The following UBXN2B variants were observed in gnomAD, a reference collection of about 807,000 sequenced individuals.
UBXN2B encodes UBX domain-containing protein 2B.
In UBXN2B, 19 loss-of-function variants were observed where a neutral mutation model predicts 37.5. The ratio of observed to expected loss-of-function variants is 0.51; its 90% CI spans 0.35 to 0.74. UBXN2B has a LOEUF of 0.74. Among genes scored for constraint, UBXN2B ranks in the 30% least tolerant of loss-of-function variants. The probability of loss-of-function intolerance (pLI) is 0.01; values close to 1 mark genes in which losing one functional copy is unlikely to be tolerated. For synonymous variants in UBXN2B, 145 were observed against 143.8 expected (o/e 1.01, Z -0.06); for missense variants, 370 against 393.2 (o/e 0.94, Z 0.50).
chr8:58,426,096 TCTC>T, intron 2 of UBXN2B: 1 of 1,385,358 alleles, frequency 7.2e-7, no homozygotes, highest in Non-Finnish European at 1.0e-6. Context: ...TCTCCATTCT[TCTC>T]TTTTAATTGC....
At chr8:58,436,473 T>A (rs926480370) in intron 5 of UBXN2B, among the ~76,000 whole-genome samples, 12 of 152,246 alleles carry the variant, frequency 7.9e-5, no homozygotes, top group Non-Finnish European at 1.6e-4. Flanking sequence ...GCAGTGCATC[T>A]GACATCCCCT....
At position 58,431,189 on chromosome 8, in the gene UBXN2B, A is replaced by ACAT. The variant is rs533185143; in HGVS notation, c.339+520_339+521insCAT. Among the ~76,000 whole-genome samples, 231 of 152,310 alleles carry ACAT rather than the reference A, an allele frequency of 1.5e-3. 1 individual carries two copies. The highest frequency in any genetic ancestry group is 5.4e-3 in the African/African-American group (226 of 41,576). ...TCATCTCTATAATTTTATCATGTTAAGAGTGTTAAACCAGCCGGGTGTGGT... is the reference window on the plus strand; with the variant it reads ...TCATCTCTATAATTTTATCATGTTAACATGAGTGTTAAACCAGCCGGGTGTGGT... On this transcript the variant is annotated intron_variant, in intron 3 of 7. Coordinates refer to ENST00000399598, the MANE Select transcript of UBXN2B (RefSeq NM_001077619.2).
intron 2 of UBXN2B, among the ~76,000 whole-genome samples, chr8:58,421,262 T>A (rs1807916059): frequency 6.6e-6 from 1 of 151,996 alleles, no homozygotes; most frequent in African/African-American, 2.4e-5. Flanking sequence ...TTTAGCCACA[T>A]TTCAAAAGAC....
In UBXN2B at chr8:58,434,462, A is replaced by G. The variant is rs750614756; in HGVS notation, c.491A>G (p.Asn164Ser). The G allele has an allele frequency of 2.6e-5, 41 of 1,564,096 alleles. No individual in the cohort carries two copies. Among genetic ancestry groups the G allele is most frequent in the Middle Eastern group, 1.7e-4 (1 of 5,724 alleles). ...SLDDGELRPY[N>S]EPTNAQFLES... ...GATGATGGAGAATTGAGACCTTACA[A>G]TGAACCAACAAATGCTCAATTTCTG... is the stretch of plus-strand genomic sequence containing the variant. The change falls in exon 5 of 8, where the codon AAT becomes AGT. Residue 164 changes from asparagine (N) to serine (S), a missense_variant. Physicochemically the swap from Asn to Ser is conservative, Grantham distance 46. Coordinates refer to ENST00000399598, the MANE Select transcript of UBXN2B (RefSeq NM_001077619.2).
At position 58,434,510 on chromosome 8, in the gene UBXN2B, A is replaced by G; in HGVS notation, c.533+6A>G. 6.6e-7 allele frequency: 1 copy of G among 1,524,038 alleles called. No individual in the cohort carries two copies. Among genetic ancestry groups the G allele is most frequent in the South Asian group, 1.3e-5 (1 of 77,224 alleles). 94.4% of individuals were successfully genotyped at this position (1,524,038 alleles called of 1,614,324 possible). A position where few individuals can be genotyped will look rare whatever the true frequency, so the allele number is the denominator to read the frequency against. ...CTGGAGTCTGTTAAGAGAGGGTAAG[A>G]TGTATTATTTGTATTCTATTTGTTA... On this transcript the variant is annotated splice_donor_region_variant and intron_variant, in intron 5 of 7. Transcript: ENST00000399598.
At chr8:58,432,375 C>CTTTTTTTTTTTTTT (rs34018318) in intron 3 of UBXN2B, among the ~76,000 whole-genome samples, 15 of 81,508 alleles carry the variant, frequency 1.8e-4, no homozygotes, top group Non-Finnish European at 2.1e-4. Context: ...TTCTAAATTT[C>CTTTTTTTTTTTTTT]TTTTTTTTTT....
chr8:58,412,823 T>G (rs769255732), intron 1 of UBXN2B, among the ~76,000 whole-genome samples: 4 of 152,188 alleles, frequency 2.6e-5, no homozygotes, highest in African/African-American at 9.7e-5. Flanking sequence ...GATTAAATAA[T>G]GTTATAAAGG....
chr8:58,426,723 C>G, intron 2 of UBXN2B: 1 of 663,764 alleles, frequency 1.5e-6, no homozygotes, highest in Non-Finnish European at 2.8e-6. Flanking sequence ...AGACCCGTTC[C>G]TTGCTCAGGC....
In UBXN2B at chr8:58,448,764, C is replaced by A. The variant is rs191548287; in HGVS notation, c.*1213C>A. On this transcript the variant is annotated 3_prime_UTR_variant, in exon 8 of 8. Coordinates refer to ENST00000399598, the MANE Select transcript of UBXN2B (RefSeq NM_001077619.2). ...ATTTCTGCTGAAGCCAGAAGCTTTTCCTTCTTCCTAGACACCATTTCATCC... is the reference window on the plus strand; with the variant it reads ...ATTTCTGCTGAAGCCAGAAGCTTTTACTTCTTCCTAGACACCATTTCATCC... 94 of 152,584 alleles carry A rather than the reference C, an allele frequency of 6.2e-4. 1 individual carries two copies. The highest frequency in any genetic ancestry group is 2.2e-3 in the African/African-American group (93 of 41,510). 9.5% of individuals were successfully genotyped at this position (152,584 alleles called of 1,614,324 possible).
Position 58,448,049 on chromosome 8 carries a change from T to C in UBXN2B, c.*498T>C, listed in dbSNP as rs1808719702. 1 of 152,296 alleles carries C rather than the reference T, an allele frequency of 6.6e-6. No individual in the cohort carries two copies. Among genetic ancestry groups the C allele is most frequent in the Non-Finnish European group, 1.5e-5 (1 of 68,106 alleles). The allele number at this position is 152,296 out of a possible 1,614,324, so 9.4% of individuals were successfully genotyped here. On this transcript the variant is annotated 3_prime_UTR_variant, in exon 8 of 8. Coordinates refer to ENST00000399598, the MANE Select transcript of UBXN2B (RefSeq NM_001077619.2). ...ATAATTATTTCTCCTATTAAGATTT[T>C]ACACATCCTTTTTACTTACTGATTT...
chr8:58,424,903 A>C, intron 2 of UBXN2B: 1 of 953,908 alleles, frequency 1.0e-6, no homozygotes, highest in Non-Finnish European at 1.7e-6. Context: ...AGTTTTGAGA[A>C]CGTCAATGTT....
At position 58,424,996 on chromosome 8, in the gene UBXN2B, C is replaced by T. The variant is rs1179179165; in HGVS notation, c.189-5523C>T. 6.4e-6 allele frequency: 5 copies of T among 787,180 alleles called. No homozygotes were observed. The East Asian group carries it at 1.2e-4, about 19-fold the overall frequency. 48.8% of individuals were successfully genotyped at this position (787,180 alleles called of 1,614,324 possible). A position where few individuals can be genotyped will look rare whatever the true frequency, so the allele number is the denominator to read the frequency against. ...CCCTGTCCGGCCAATTCCAGCACTG[C>T]CGTGCACCACGACTGGCCTTGCATG... is the stretch of plus-strand genomic sequence containing the variant. On this transcript the variant is annotated intron_variant, in intron 2 of 7. Transcript: ENST00000399598.
At position 58,423,443 on chromosome 8, in the gene UBXN2B, T is replaced by TG. The variant is rs200218974; in HGVS notation, c.188+6490_188+6491insG. Reference sequence around the variant, plus strand: ...GGGTGGGTTTTTTTTTTGTTGTTGTTTTTTTTTTTTGACACGGAGTCTTGC... The same window carrying TG: ...GGGTGGGTTTTTTTTTTGTTGTTGTTGTTTTTTTTTTGACACGGAGTCTTGC... On this transcript the variant is annotated intron_variant, in intron 2 of 7. Coordinates refer to ENST00000399598, the MANE Select transcript of UBXN2B (RefSeq NM_001077619.2). 3.2e-3 allele frequency among the ~76,000 whole-genome samples: 475 copies of TG among 149,212 alleles called. 3 individuals are homozygous for TG. Among genetic ancestry groups the TG allele is most frequent in the African/African-American group, 0.011 (438 of 40,304 alleles).
intron 6 of UBXN2B, among the ~76,000 whole-genome samples, chr8:58,441,996 C>A (rs908140730): frequency 7.2e-5 from 11 of 152,172 alleles, no homozygotes; most frequent in Non-Finnish European, 1.0e-4. Context: ...ACAACTATGT[C>A]CCCTAGTCAG....
intron 2 of UBXN2B, among the ~76,000 whole-genome samples, chr8:58,419,710 C>T (rs549036949): frequency 1.5e-4 from 23 of 152,286 alleles, no homozygotes; most frequent in African/African-American, 5.3e-4. Context: ...GCACAGAAGA[C>T]AAGGGACAAA....
At chr8:58,426,781 G>A in intron 2 of UBXN2B, 2 of 617,412 alleles carry the variant, frequency 3.2e-6, no homozygotes, top group Non-Finnish European at 3.0e-6. Context: ...GGCCCGCTCG[G>A]GACCAGATGC....
chr8:58,447,729 C>T lies in UBXN2B; in HGVS notation c.*178C>T. On this transcript the variant is annotated 3_prime_UTR_variant, in exon 8 of 8. Coordinates refer to ENST00000399598, the MANE Select transcript of UBXN2B (RefSeq NM_001077619.2). Reference sequence around the variant, plus strand: ...AGACAAATTTGGATTAGGAATAGACCTTGAGATAAGTATGTTTGAGTTTTT... The same window carrying T: ...AGACAAATTTGGATTAGGAATAGACTTTGAGATAAGTATGTTTGAGTTTTT... 2 of 522,026 alleles carry T rather than the reference C, an allele frequency of 3.8e-6. No individual in the cohort carries two copies. Among genetic ancestry groups the T allele is most frequent in the Non-Finnish European group, 6.2e-6 (2 of 325,106 alleles). 32.3% of individuals were successfully genotyped at this position (522,026 alleles called of 1,614,324 possible). A position where few individuals can be genotyped will look rare whatever the true frequency, so the allele number is the denominator to read the frequency against.
At chr8:58,417,045 G>T (rs1004343278) in intron 2 of UBXN2B, 92 bp downstream of exon 2, 3 of 1,008,130 alleles carry the variant, frequency 3.0e-6, no homozygotes, top group Non-Finnish European at 4.1e-6. Flanking sequence ...CTTCTTCAAG[G>T]TTTCTTCAAT....
At chr8:58,443,748 C>T (rs2129604627) in intron 6 of UBXN2B, among the ~76,000 whole-genome samples, 1 of 152,190 alleles carries the variant, frequency 6.6e-6, no homozygotes, top group East Asian at 1.9e-4. Context: ...GCAGAGGTTG[C>T]AGTGAGCTGA....
Sources: allele counts gnomAD v4.1 joint callset (sites outside exome capture counted in the v4.1 genomes callset), GRCh38; gene constraint gnomAD v4.1.1; transcripts MANE v1.5; gene names NCBI Gene and HGNC (gene_info 2026-07-23, HGNC 2026-07-21).